The following ITGA1 variants were observed in gnomAD, a reference collection of about 807,000 sequenced individuals.
ITGA1 encodes the protein integrin alpha-1.
A neutral mutation model predicts 145.9 loss-of-function variants in ITGA1; 85 were observed. The observed-to-expected ratio is 0.58, with a 90% CI of 0.49 to 0.70. The LOEUF (loss-of-function observed/expected upper bound fraction) is 0.70, where lower values mean the gene tolerates loss of function less well. Among genes scored for constraint, ITGA1 ranks in the 30% least tolerant of loss-of-function variants. The pLI, the probability that ITGA1 is intolerant of heterozygous loss-of-function variation, is 0.00. For missense variants in ITGA1, 1,351 were observed against 1,418.7 expected (o/e 0.95, Z 0.77); for synonymous variants, 520 against 495.3 (o/e 1.05, Z -0.66).
chr5:52,920,987 GTTT>G (rs70974477), intron 17 of ITGA1, among the ~76,000 whole-genome samples: 20 of 149,268 alleles, frequency 1.3e-4, no homozygotes, highest in Admixed American at 2.7e-4. Context: ...TGCTACTTCA[GTTT>G]TTTTTTTTTT....
In ITGA1 at chr5:52,818,041, C is replaced by T. The variant is rs372365185; in HGVS notation, c.61+29627C>T. 1.1e-3 allele frequency among the ~76,000 whole-genome samples: 170 copies of T among 152,134 alleles called. 1 individual carries two copies. The highest frequency in any genetic ancestry group is 3.9e-3 in the African/African-American group (160 of 41,534). On this transcript the variant is annotated intron_variant, in intron 1 of 28. Transcript: ENST00000282588. ...TTTATTTACATAAGCAGGTAGTGGGCAGGATTTGGTCTGTAGGACACAGTT... is the reference window on the plus strand; with the variant it reads ...TTTATTTACATAAGCAGGTAGTGGGTAGGATTTGGTCTGTAGGACACAGTT...
intron 1 of ITGA1, among the ~76,000 whole-genome samples, chr5:52,798,802 C>A (rs1532556): frequency 0.91 from 138,372 of 152,212 alleles, 62,977 homozygotes; most frequent in Middle Eastern, 0.93. Flanking sequence ...GGTAAATTTT[C>A]ATAGAAACAC....
intron 1 of ITGA1, among the ~76,000 whole-genome samples, chr5:52,822,371 A>G (rs184665529): frequency 1.1e-4 from 16 of 152,340 alleles, no homozygotes; most frequent in African/African-American, 3.8e-4. Context: ...GGATACAAAG[A>G]TAATTAAAAT....
chr5:52,905,900 G>T lies in ITGA1; in HGVS notation c.1447G>T (p.Gly483Ter). 6.2e-7 allele frequency: 1 copy of T among 1,611,524 alleles called. No individual in the cohort carries two copies. The highest frequency in any genetic ancestry group is 1.1e-5 in the South Asian group (1 of 90,562). Residue 483 changes from glycine to a stop codon, truncating the protein, a stop_gained, in exon 12 of 29, where the codon GGA (glycine) becomes TGA (stop). Coordinates refer to ENST00000282588, the MANE Select transcript of ITGA1 (RefSeq NM_181501.2). LOFTEE classifies it high-confidence loss of function. ...GNIKILQTLSGEQIGSYFGSI... is the reference protein window; with the variant it reads ...GNIKILQTLS ...CATCAAAATTCTCCAGACGCTCAGT[G>T]GAGAACAGGTAAACTTGAAAAATAT...
intron 15 of ITGA1, among the ~76,000 whole-genome samples, chr5:52,916,385 A>G (rs138272521): frequency 1.1e-3 from 171 of 152,270 alleles, no homozygotes; most frequent in African/African-American, 3.8e-3. Flanking sequence ...CCGCATGTTG[A>G]TTCTCCTAAA....
intron 11 of ITGA1, 31 bp from the exon 12 acceptor site, chr5:52,905,732 G>A: frequency 6.2e-7 from 1 of 1,601,400 alleles, no homozygotes; most frequent in African/African-American, 1.3e-5. Flanking sequence ...TAAGGGTCCA[G>A]GTGGTATACC....
chr5:52,814,134 G>T (rs1485935917), intron 1 of ITGA1, among the ~76,000 whole-genome samples: 2 of 152,132 alleles, frequency 1.3e-5, no homozygotes. Context: ...AATTCACAAT[G>T]AGTTGTTTTT....
chr5:52,911,475 G>A (rs1325335036), intron 14 of ITGA1, among the ~76,000 whole-genome samples: 2 of 124,064 alleles, frequency 1.6e-5, no homozygotes, highest in African/African-American at 5.8e-5. Flanking sequence ...CTAGTATATA[G>A]ATACACTATA....
intron 7 of ITGA1, among the ~76,000 whole-genome samples, chr5:52,885,989 T>C (rs1579697612): frequency 6.6e-6 from 1 of 152,320 alleles, no homozygotes; most frequent in Non-Finnish European, 1.5e-5. Flanking sequence ...GATAATATCA[T>C]GGAACAGCGT....
intron 2 of ITGA1, among the ~76,000 whole-genome samples, chr5:52,857,430 A>G (rs531220012): frequency 6.6e-6 from 1 of 152,044 alleles, no homozygotes; most frequent in East Asian, 1.9e-4. Flanking sequence ...TCCATGATAA[A>G]TTTGGACACA....
At chr5:52,920,788 C>T (rs753021624) in intron 17 of ITGA1, among the ~76,000 whole-genome samples, 23 of 152,168 alleles carry the variant, frequency 1.5e-4, no homozygotes, top group Non-Finnish European at 2.8e-4. Flanking sequence ...TTCATTTATT[C>T]CTTCAACTTG....
intron 1 of ITGA1, among the ~76,000 whole-genome samples, chr5:52,812,778 CCTT>C (rs1293806719): frequency 1.5e-5 from 2 of 131,750 alleles, no homozygotes; most frequent in Non-Finnish European, 3.2e-5. Flanking sequence ...TCATTTTGTT[CCTT>C]CTTATCGCTT....
At chr5:52,792,420 T>A (rs1236997389) in intron 1 of ITGA1, among the ~76,000 whole-genome samples, 9 of 152,210 alleles carry the variant, frequency 5.9e-5, no homozygotes, top group African/African-American at 1.7e-4. Context: ...ACGGGATTTT[T>A]GTTTGTTTAG....
chr5:52,829,255 G>T (rs1385106759), intron 1 of ITGA1, among the ~76,000 whole-genome samples: 1 of 152,116 alleles, frequency 6.6e-6, no homozygotes, highest in Admixed American at 6.6e-5. Context: ...GTCAGATGTG[G>T]TGGCTCATGC....
chr5:52,799,573 A>T (rs943989279), intron 1 of ITGA1, among the ~76,000 whole-genome samples: 2 of 152,238 alleles, frequency 1.3e-5, no homozygotes, highest in African/African-American at 2.4e-5. Flanking sequence ...GGTGAATCAG[A>T]TCGTGCAGAC....
chr5:52,945,183 T>G, intron 27 of ITGA1, 148 bp downstream of exon 27: 1 of 600,630 alleles, frequency 1.7e-6, no homozygotes, highest in South Asian at 2.2e-5. Context: ...TTATACTTCA[T>G]TAGCTTCAAA....
In ITGA1 at chr5:52,941,867, AG is replaced by A. The variant is rs549942952; in HGVS notation, c.3285+1926del. 1.5e-3 allele frequency among the ~76,000 whole-genome samples: 224 copies of A among 152,268 alleles called. 2 individuals are homozygous for A. The highest frequency in any genetic ancestry group is 5.2e-3 in the African/African-American group (215 of 41,542). On this transcript the variant is annotated intron_variant, in intron 26 of 28. Coordinates refer to ENST00000282588, the MANE Select transcript of ITGA1 (RefSeq NM_181501.2). ...TTATTTGCCAAGACCAATGTCAGAG[AG>A]GGTATTTCCTAGGTTTTCTTATAAT...
chr5:52,945,317 T>C (rs1161889159), intron 27 of ITGA1, among the ~76,000 whole-genome samples: 1 of 152,194 alleles, frequency 6.6e-6, no homozygotes, highest in East Asian at 1.9e-4. Flanking sequence ...TACTTTCACT[T>C]TGATAACAAA....
intron 1 of ITGA1, chr5:52,824,367 T>C (rs1185185400): frequency 6.6e-6 from 1 of 151,240 alleles, no homozygotes; most frequent in Non-Finnish European, 1.5e-5. Context: ...TCCCAGCCTA[T>C]GGTGACCTCT....
Sources: gnomAD v4.1 joint callset for allele counts (sites outside exome capture counted in the v4.1 genomes callset) on GRCh38, gnomAD v4.1.1 for gene constraint, MANE v1.5 for transcripts, NCBI Gene and HGNC (gene_info 2026-07-23, HGNC 2026-07-21) for gene names.